SLC4A8: variants seen among roughly 807,000 people sequenced by gnomAD.
SLC4A8 encodes electroneutral sodium bicarbonate exchanger 1.
A neutral mutation model predicts 125.0 loss-of-function variants in SLC4A8; 40 were observed. The ratio of observed to expected loss-of-function variants is 0.32; its 90% CI spans 0.25 to 0.42. The LOEUF is 0.42. SLC4A8 is among the 10% of genes least tolerant of loss of function. SLC4A8 has a pLI of 1.00. For synonymous variants in SLC4A8, 456 were observed against 476.0 expected (o/e 0.96, Z 0.55); for missense variants, 863 against 1,355.1 (o/e 0.64, Z 5.70).
chr12:51,440,312 G>T (rs971385002), intron 1 of SLC4A8, among the ~76,000 whole-genome samples: 1 of 152,098 alleles, frequency 6.6e-6, no homozygotes, highest in Admixed American at 6.5e-5. Context: ...CTGCTCTGGA[G>T]GCTGAGGTAG....
At chr12:51,506,693 C>T (rs1403111878) in intron 24 of SLC4A8, among the ~76,000 whole-genome samples, 1 of 152,176 alleles carries the variant, frequency 6.6e-6, no homozygotes, top group Non-Finnish European at 1.5e-5. Context: ...CTTGGCCTCC[C>T]AAAGTGCTGG....
At chr12:51,480,927 T>C (rs1951010328) in intron 16 of SLC4A8, among the ~76,000 whole-genome samples, 1 of 152,244 alleles carries the variant, frequency 6.6e-6, no homozygotes, top group African/African-American at 2.4e-5. Flanking sequence ...TGAACTGCCT[T>C]ACCTGCAGTT....
At chr12:51,421,480 C>G (rs1042186209), upstream of SLC4A8, among the ~76,000 whole-genome samples, 1 of 152,218 alleles carries the variant, frequency 6.6e-6, no homozygotes, top group Non-Finnish European at 1.5e-5. Flanking sequence ...ACCCTGGAGT[C>G]AAGGGCCAGA....
Position 51,460,895 on chromosome 12 carries a change from T to A in SLC4A8, c.1014-309T>A, listed in dbSNP as rs557094802. 5.9e-5 allele frequency among the ~76,000 whole-genome samples: 9 copies of A among 152,312 alleles called. No individual in the cohort carries two copies. The South Asian group carries it at 1.4e-3, about 25-fold the overall frequency. On this transcript the variant is annotated intron_variant, in intron 8 of 24. Coordinates refer to ENST00000453097, the MANE Select transcript of SLC4A8 (RefSeq NM_001039960.3). ...TAAGTGGAATTCAGACAACCTTGAA[T>A]TTGCACCACAGTGCCATGTTTTGAA...
chr12:51,459,269 A>G (rs1208905716), intron 7 of SLC4A8, among the ~76,000 whole-genome samples: 1 of 152,182 alleles, frequency 6.6e-6, no homozygotes, highest in Non-Finnish European at 1.5e-5. Context: ...CCGACAAAAC[A>G]TTTGAGTGTT....
At chr12:51,489,276 G>A (rs548792472) in intron 18 of SLC4A8, among the ~76,000 whole-genome samples, 1 of 152,264 alleles carries the variant, frequency 6.6e-6, no homozygotes, top group South Asian at 2.1e-4. Context: ...TCCTAGGGAA[G>A]TAACAGAGCA....
Position 51,461,256 on chromosome 12 carries a change from A to G in SLC4A8, c.1066A>G (p.Ile356Val). 1 of 1,612,600 alleles carries G rather than the reference A, an allele frequency of 6.2e-7. No individual in the cohort carries two copies. The highest frequency in any genetic ancestry group is 8.5e-7 in the Non-Finnish European group (1 of 1,178,748). ...PVGKGQQYHEIGRSMATIMTD... is the reference protein window; with the variant it reads ...PVGKGQQYHEVGRSMATIMTD... ...AGGGAAAGGTCAGCAGTACCATGAGATTGGCAGATCCATGGCCACCATCAT... is the reference window on the plus strand; with the variant it reads ...AGGGAAAGGTCAGCAGTACCATGAGGTTGGCAGATCCATGGCCACCATCAT... Residue 356 changes from isoleucine (I) to valine (V), a missense_variant, in exon 9 of 25, where the codon ATT becomes GTT. Ile to Val is a conservative substitution (Grantham distance 29). Coordinates refer to ENST00000453097, the MANE Select transcript of SLC4A8 (RefSeq NM_001039960.3).
At chr12:51,414,866 C>A (rs866879139) in intron 1 of SLC4A8, among the ~76,000 whole-genome samples, 1 of 152,156 alleles carries the variant, frequency 6.6e-6, no homozygotes, top group Non-Finnish European at 1.5e-5. Context: ...GAGCTTTTAT[C>A]ATGAAAGAAT....
At chr12:51,433,744 G>C (rs1343963286) in intron 1 of SLC4A8, among the ~76,000 whole-genome samples, 1 of 151,640 alleles carries the variant, frequency 6.6e-6, no homozygotes, top group African/African-American at 2.4e-5. Context: ...AACTTTGTAT[G>C]TGCCTGAAAT....
At chr12:51,459,426 C>T (rs528150640) in intron 7 of SLC4A8, among the ~76,000 whole-genome samples, 1 of 152,228 alleles carries the variant, frequency 6.6e-6, no homozygotes, top group South Asian at 2.1e-4. Context: ...TCAACTTCAC[C>T]TCTCTGGGTT....
At chr12:51,462,237 T>C in intron 9 of SLC4A8, 73 bp from the exon 10 acceptor site, 1 of 1,381,248 alleles carries the variant, frequency 7.2e-7, no homozygotes, top group Non-Finnish European at 1.0e-6. Flanking sequence ...TATTCATTTT[T>C]CACCATATCC....
intron 4 of SLC4A8, 94 bp from the exon 5 acceptor site, chr12:51,453,445 C>T (rs571661629): frequency 1.6e-6 from 2 of 1,266,064 alleles, no homozygotes; most frequent in East Asian, 4.7e-5. Flanking sequence ...GTATGACTAT[C>T]CAGATATCTT....
At chr12:51,492,654 A>G (rs920145690) in intron 19 of SLC4A8, among the ~76,000 whole-genome samples, 8 of 152,302 alleles carry the variant, frequency 5.3e-5, no homozygotes, top group Middle Eastern at 3.4e-3. Context: ...ATAAAATCCA[A>G]TGGGGGATTT....
chr12:51,451,217 G>T (rs1350197228), intron 3 of SLC4A8, among the ~76,000 whole-genome samples, 195 bp downstream of exon 3: 1 of 152,144 alleles, frequency 6.6e-6, no homozygotes, highest in Admixed American at 6.5e-5. Context: ...CGGGCGGCTG[G>T]GACTACAGGC....
At chr12:51,474,793 C>T (rs908146357) in intron 15 of SLC4A8, among the ~76,000 whole-genome samples, 1 of 152,108 alleles carries the variant, frequency 6.6e-6, no homozygotes, top group Admixed American at 6.5e-5. Flanking sequence ...TATAAGTTGC[C>T]AGGGTCCTTC....
In SLC4A8 at chr12:51,470,448, T is replaced by G. The variant is rs1156954597; in HGVS notation, c.1581T>G (p.Phe527Leu). Residue 527 changes from phenylalanine (F) to leucine (L), a missense_variant, in exon 13 of 25, where the codon TTT (phenylalanine) becomes TTG (leucine). Phe to Leu is a conservative substitution (Grantham distance 22). Coordinates refer to ENST00000453097, the MANE Select transcript of SLC4A8 (RefSeq NM_001039960.3). ...TGACTGGGATTGCTTATTCCTTGTT[T>G]GCGGGACAGGCTCTCACCATCCTGG... ...ASMTGIAYSL[F>L]AGQALTILGS... 3.7e-6 allele frequency: 6 copies of G among 1,613,860 alleles called. No individual in the cohort carries two copies. The highest frequency in any genetic ancestry group is 4.2e-6 in the Non-Finnish European group (5 of 1,179,750).
chr12:51,466,442 C>T (rs989209971), intron 11 of SLC4A8: 1 of 152,144 alleles, frequency 6.6e-6, no homozygotes, highest in Admixed American at 6.5e-5. Flanking sequence ...GGATGGCTGG[C>T]CTGTTTCTAA....
Position 51,457,332 on chromosome 12 carries a change from G to T in SLC4A8, c.575-19G>T. The T allele has an allele frequency of 6.2e-7, 1 of 1,610,468 alleles. No homozygotes were observed. Among genetic ancestry groups the T allele is most frequent in the Non-Finnish European group, 8.5e-7 (1 of 1,177,722 alleles). ...ATTAACCCTCAATCTGAGTGTTCAT[G>T]TGAGTGCCTGCTTTCCAGACCTGAT... On this transcript the variant is annotated intron_variant, in intron 5 of 24. Transcript: ENST00000453097.
intron 16 of SLC4A8, chr12:51,480,320 G>A (rs1950992105): frequency 1.7e-6 from 2 of 1,204,490 alleles, no homozygotes; most frequent in African/African-American, 1.6e-5. Flanking sequence ...TTATATGTAT[G>A]TCTTATTATA....
Sources: gnomAD v4.1 joint callset for allele counts (sites outside exome capture counted in the v4.1 genomes callset) on GRCh38, gnomAD v4.1.1 for gene constraint, MANE v1.5 for transcripts, NCBI Gene and HGNC (gene_info 2026-07-23, HGNC 2026-07-21) for gene names.